EPHA3: variants seen among roughly 807,000 people sequenced by gnomAD.
EPHA3 encodes EPH receptor A3.
In EPHA3, 42 loss-of-function variants were observed where a neutral mutation model predicts 107.1. That is an observed-to-expected ratio of 0.39 (90% CI 0.31 to 0.51). The LOEUF is 0.51. EPHA3 is among the 20% of genes least tolerant of loss of function. EPHA3 has a pLI of 0.78. For synonymous variants in EPHA3, 461 were observed against 424.8 expected, an observed-to-expected ratio of 1.09 and a Z score of -1.05; for missense variants, 1,183 against 1,211.2, an observed-to-expected ratio of 0.98 and a Z score of 0.35.
rs559272267 is a variant in EPHA3, at chr3:89,234,507, A to G, written c.814+23987A>G. On this transcript the variant is annotated intron_variant, in intron 3 of 16. Transcript: ENST00000336596. ...GTAACTGGGTAATTTTGATGGGTTA[A>G]AATTTGAAATCCACATGGACCAATC... 5.3e-5 allele frequency among the ~76,000 whole-genome samples: 8 copies of G among 152,264 alleles called. No homozygotes were observed. In the South Asian group the frequency reaches 1.7e-3, roughly 32 times the overall value.
At chr3:89,137,973 G>C in intron 2 of EPHA3, among the ~76,000 whole-genome samples, 1 of 151,572 alleles carries the variant, frequency 6.6e-6, no homozygotes, top group South Asian at 2.1e-4. Flanking sequence ...CCCAGCAATA[G>C]GATTTTTAAT....
intron 3 of EPHA3, among the ~76,000 whole-genome samples, chr3:89,285,010 T>G (rs1706045136): frequency 6.6e-6 from 1 of 151,862 alleles, no homozygotes. Flanking sequence ...CCTGTAATCC[T>G]GGCTACTCAG....
chr3:89,123,988 T>G (rs1704029574), intron 1 of EPHA3, among the ~76,000 whole-genome samples: 1 of 152,208 alleles, frequency 6.6e-6, no homozygotes, highest in Admixed American at 6.5e-5. Context: ...AATGAAGTCA[T>G]GCATATGTTC....
intron 3 of EPHA3, among the ~76,000 whole-genome samples, chr3:89,230,473 T>C (rs1704602607): frequency 6.6e-6 from 1 of 152,072 alleles, no homozygotes; most frequent in Non-Finnish European, 1.5e-5. Context: ...CTGTGGAATG[T>C]TTTTAAGTAG....
chr3:89,217,071 C>T (rs1165027604), intron 3 of EPHA3, among the ~76,000 whole-genome samples: 1 of 152,090 alleles, frequency 6.6e-6, no homozygotes, highest in Non-Finnish European at 1.5e-5. Flanking sequence ...ACCCCTTTCA[C>T]TTCTGTCTGT....
At chr3:89,417,800 T>G (rs538238021) in intron 10 of EPHA3, among the ~76,000 whole-genome samples, 287 of 151,644 alleles carry the variant, frequency 1.9e-3, no homozygotes, top group African/African-American at 6.7e-3. Context: ...TTTTATACTG[T>G]ATGCAATACA....
intron 13 of EPHA3, among the ~76,000 whole-genome samples, chr3:89,448,009 C>CT (rs1305782376): frequency 6.6e-6 from 1 of 152,062 alleles, no homozygotes; most frequent in African/African-American, 2.4e-5. Context: ...ATATCCATCC[C>CT]TTTTTTCTTA....
chr3:89,472,430 G>T, intron 15 of EPHA3, 34 bp from the exon 16 acceptor site: 1 of 1,605,278 alleles, frequency 6.2e-7, no homozygotes, highest in South Asian at 1.1e-5. Context: ...GCTGACTCCT[G>T]ATCTGTCTCC....
chr3:89,118,039 A>T (rs1707296328), intron 1 of EPHA3, among the ~76,000 whole-genome samples: 4 of 151,822 alleles, frequency 2.6e-5, no homozygotes, highest in African/African-American at 9.6e-5. Context: ...TATTGGAAAT[A>T]TTTTCAAAGA....
chr3:89,213,141 G>A (rs1704145046), intron 3 of EPHA3, among the ~76,000 whole-genome samples: 1 of 151,940 alleles, frequency 6.6e-6, no homozygotes, highest in Admixed American at 6.6e-5. Flanking sequence ...AAGTCTGTGT[G>A]CACAATCAGA....
intron 3 of EPHA3, among the ~76,000 whole-genome samples, chr3:89,276,519 A>G (rs1705811079): frequency 6.6e-6 from 1 of 152,154 alleles, no homozygotes. Flanking sequence ...TTGCAAGATA[A>G]CTTGTTCTCC....
intron 2 of EPHA3, among the ~76,000 whole-genome samples, chr3:89,168,085 T>C (rs1020374372): frequency 2.6e-4 from 39 of 152,172 alleles, no homozygotes; most frequent in African/African-American, 9.2e-4. Context: ...ATTTTAAAGT[T>C]TGCAATTAAC....
chr3:89,330,677 A>G (rs1707265389), intron 3 of EPHA3, among the ~76,000 whole-genome samples: 1 of 152,152 alleles, frequency 6.6e-6, no homozygotes, highest in South Asian at 2.1e-4. Context: ...GTCATCTTTT[A>G]TTTGCAGAGT....
At chr3:89,197,457 CTT>C (rs1705864641) in intron 2 of EPHA3, among the ~76,000 whole-genome samples, 9 of 139,374 alleles carry the variant, frequency 6.5e-5, no homozygotes, top group African/African-American at 1.8e-4. Flanking sequence ...CATAAAAAAA[CTT>C]ATTTTTATTA....
At chr3:89,181,105 G>T (rs1705433570) in intron 2 of EPHA3, among the ~76,000 whole-genome samples, 1 of 151,904 alleles carries the variant, frequency 6.6e-6, no homozygotes, top group East Asian at 1.9e-4. Context: ...GAGTTTGACA[G>T]ACTTAAGTAA....
chr3:89,420,422 T>G (rs1709332058), intron 11 of EPHA3, among the ~76,000 whole-genome samples: 1 of 151,484 alleles, frequency 6.6e-6, no homozygotes, highest in Non-Finnish European at 1.5e-5. Context: ...CCTTTTGAGT[T>G]TTCATATATA....
intron 3 of EPHA3, among the ~76,000 whole-genome samples, chr3:89,333,082 A>G (rs1332389738): frequency 1.3e-5 from 2 of 152,200 alleles, no homozygotes; most frequent in Non-Finnish European, 2.9e-5. Flanking sequence ...AAAGTCATCA[A>G]TTACAACTGT....
At chr3:89,457,341 G>A (rs1267757170) in intron 15 of EPHA3, among the ~76,000 whole-genome samples, 1 of 152,208 alleles carries the variant, frequency 6.6e-6, no homozygotes, top group Non-Finnish European at 1.5e-5. Flanking sequence ...TACGAACCAG[G>A]TGGCAAAGCA....
intron 3 of EPHA3, among the ~76,000 whole-genome samples, chr3:89,319,479 C>A (rs7619025): frequency 0.52 from 78,632 of 151,744 alleles, 21,707 homozygotes; most frequent in African/African-American, 0.71. Context: ...CCGAAGAGAG[C>A]TAATGACAAT....
Sources: allele counts gnomAD v4.1 joint callset (sites outside exome capture counted in the v4.1 genomes callset), GRCh38; gene constraint gnomAD v4.1.1; transcripts MANE v1.5; gene names NCBI Gene and HGNC (gene_info 2026-07-23, HGNC 2026-07-21).